The following UAP1 variants were observed in gnomAD, a reference collection of about 807,000 sequenced individuals.
UAP1 encodes the protein UDP-N-acetylglucosamine pyrophosphorylase 1.
Under a neutral mutation model 58.5 loss-of-function variants are expected in UAP1, and 25 were observed. The observed-to-expected ratio is 0.43, with a 90% confidence interval of 0.31 to 0.60. UAP1 has a LOEUF of 0.60. Among genes scored for constraint, UAP1 ranks in the 20% least tolerant of loss-of-function variants. The pLI is 0.11. For synonymous variants in UAP1, 208 were observed against 213.0 expected (o/e 0.98, Z 0.21); for missense variants, 575 against 630.0 (o/e 0.91, Z 0.93).
intron 2 of UAP1, among the ~76,000 whole-genome samples, chr1:162,573,708 T>TAATCCC (rs1358629745): frequency 1.3e-5 from 2 of 152,290 alleles, no homozygotes; most frequent in Middle Eastern, 3.4e-3. Context: ...CTCATATCTG[T>TAATCCC]AATCCCAGCA....
At chr1:162,565,864 T>G in intron 1 of UAP1, 148 bp from the exon 2 acceptor site, 1 of 576,568 alleles carries the variant, frequency 1.7e-6, no homozygotes, top group East Asian at 3.0e-5. Flanking sequence ...GTCTTACAGG[T>G]TTGATCTCTT....
intron 5 of UAP1, among the ~76,000 whole-genome samples, chr1:162,586,806 A>G (rs1654928651): frequency 6.6e-6 from 1 of 152,160 alleles, no homozygotes; most frequent in Admixed American, 6.5e-5. Context: ...TTATCACATC[A>G]CTGGTTTTCA....
intron 9 of UAP1, among the ~76,000 whole-genome samples, chr1:162,593,944 T>A (rs941642789): frequency 1.3e-5 from 2 of 152,096 alleles, no homozygotes; most frequent in East Asian, 3.9e-4. Flanking sequence ...TGGGATGTGA[T>A]TCTGTAAACA....
At chr1:162,593,163 T>G in intron 9 of UAP1, 1 of 218,692 alleles carries the variant, frequency 4.6e-6, no homozygotes, top group South Asian at 1.3e-4. Context: ...TGGAATTGGG[T>G]GTATGCTCTC....
chr1:162,576,628 C>A, intron 2 of UAP1, 149 bp from the exon 3 acceptor site: 1 of 692,136 alleles, frequency 1.4e-6, no homozygotes, highest in Non-Finnish European at 2.4e-6. Flanking sequence ...CCACCACTAG[C>A]CTGTACCCAA....
chr1:162,591,741 C>T (rs951866313), intron 8 of UAP1, among the ~76,000 whole-genome samples: 4 of 151,432 alleles, frequency 2.6e-5, no homozygotes, highest in African/African-American at 9.7e-5. Context: ...CCGCTTTGGC[C>T]TCCCAAAGTG....
At chr1:162,578,244 G>A (rs1044122274) in intron 3 of UAP1, among the ~76,000 whole-genome samples, 1 of 152,074 alleles carries the variant, frequency 6.6e-6, no homozygotes, top group Admixed American at 6.6e-5. Flanking sequence ...TTCTGTCCCC[G>A]AGCAGCAGCC....
chr1:162,579,528 C>G, exon 4 of UAP1: 1 of 1,610,596 alleles, frequency 6.2e-7, no homozygotes, highest in Non-Finnish European at 8.5e-7. Context: ...CTTTTTTCAG[C>G]AAGGAATGCT....
At chr1:162,566,189 A>C (rs758924956) in exon 2 of UAP1, 2 of 1,614,030 alleles carry the variant, frequency 1.2e-6, no homozygotes, top group African/African-American at 2.7e-5. Flanking sequence ...CCAGGCCATG[A>C]ACTTTGAGGA....
intron 3 of UAP1, among the ~76,000 whole-genome samples, chr1:162,578,201 C>T (rs1472613079): frequency 6.6e-6 from 1 of 152,140 alleles, no homozygotes; most frequent in Non-Finnish European, 1.5e-5. Flanking sequence ...CTTGTTATTT[C>T]AGTCCCATGT....
chr1:162,598,999 G>C (rs1021850707), intron 10 of UAP1, among the ~76,000 whole-genome samples: 2 of 151,850 alleles, frequency 1.3e-5, no homozygotes, highest in African/African-American at 4.8e-5. Flanking sequence ...AAAAAAAAAA[G>C]TTAACTCTGT....
At chr1:162,589,212 T>TA (rs1340738603) in intron 7 of UAP1, among the ~76,000 whole-genome samples, 134 of 121,078 alleles carry the variant, frequency 1.1e-3, no homozygotes, top group African/African-American at 4.1e-3. Flanking sequence ...TATTTAAATA[T>TA]ATATAATATT....
intron 7 of UAP1, among the ~76,000 whole-genome samples, chr1:162,589,309 T>A (rs1655156147): frequency 7.4e-6 from 1 of 135,900 alleles, no homozygotes; most frequent in East Asian, 2.0e-4. Flanking sequence ...ATTATATATA[T>A]AAATAAATAT....
Position 162,587,667 on chromosome 1 carries a change from A to G in UAP1, c.1027A>G (p.Asn343Asp), listed in dbSNP as rs147081846. 1.9e-3 allele frequency: 3,074 copies of G among 1,610,538 alleles called. 2 individuals are homozygous for G. The highest frequency in any genetic ancestry group is 2.3e-3 in the Non-Finnish European group (2,663 of 1,177,328). ...TGTACCATTTCTGAGAGATGTTGTC[A>G]AGTATGGGCAAGATGGGGGCCTTTT... Residue 343 changes from asparagine (N) to aspartate (D), a missense_variant and splice_region_variant, in exon 6 of 11, where the codon AAT becomes GAT. Transcript: ENST00000271469.
At chr1:162,587,808 A>G (rs1654993368) in intron 6 of UAP1, 140 bp downstream of exon 6, 2 of 831,846 alleles carry the variant, frequency 2.4e-6, no homozygotes, top group Admixed American at 5.1e-5. Flanking sequence ...ATGGACATTT[A>G]TCTCATGTTG....
chr1:162,566,240 C>T lies in UAP1; in HGVS notation c.172C>T (p.Gln58Ter). The change falls in exon 2 of 11, where the codon CAG becomes TAG. Residue 58 changes from glutamine to a stop codon, truncating the protein, a stop_gained. Coordinates refer to ENST00000271469, the Ensembl canonical transcript of UAP1. LOFTEE classifies it high-confidence loss of function. ...CCAAAAGGCCATTGAAGGTTTTAAC[C>T]AGTCTTCTCACCAAAAGAATGTGGA... 6.2e-7 allele frequency: 1 copy of T among 1,614,138 alleles called. No homozygotes were observed. The highest frequency in any genetic ancestry group is 8.5e-7 in the Non-Finnish European group (1 of 1,180,032).
intron 2 of UAP1, among the ~76,000 whole-genome samples, chr1:162,572,523 T>A (rs905294191): frequency 2.8e-4 from 43 of 151,930 alleles, no homozygotes; most frequent in Non-Finnish European, 5.9e-5. Flanking sequence ...GGACTGAGAG[T>A]GAAAGTAAGA....
intron 3 of UAP1, 101 bp downstream of exon 3, chr1:162,577,082 A>G: frequency 8.6e-7 from 1 of 1,158,172 alleles, no homozygotes; most frequent in African/African-American, 1.6e-5. Context: ...ATTTCTTGTT[A>G]CTGTTGATTT....
At chr1:162,566,128 T>C in exon 2 of UAP1, 1 of 1,613,322 alleles carries the variant, frequency 6.2e-7, no homozygotes, top group Non-Finnish European at 8.5e-7. Context: ...ACCTACTACG[T>C]TTCTGGAATG....
Sources: gnomAD v4.1 joint callset for allele counts (sites outside exome capture counted in the v4.1 genomes callset) on GRCh38, gnomAD v4.1.1 for gene constraint, MANE v1.5 for transcripts, NCBI Gene and HGNC (gene_info 2026-07-23, HGNC 2026-07-21) for gene names.